Variants in RIT2 observed in about 807,000 individuals in gnomAD.
RIT2 encodes GTP-binding protein Rit2.
RIT2 carries 24 observed loss-of-function variants against 23.7 expected under a neutral mutation model. That is an observed-to-expected ratio of 1.01 (90% CI 0.73 to 1.43). The LOEUF (loss-of-function observed/expected upper bound fraction) is 1.43. RIT2 is among the 40% of genes most tolerant of loss of function. The pLI is 0.00. For missense variants in RIT2, 236 were observed against 266.9 expected (o/e 0.88, Z 0.81); for synonymous variants, 107 against 91.1 (o/e 1.17, Z -0.99).
At chr18:43,061,066 C>T (rs1448807332) in intron 1 of RIT2, among the ~76,000 whole-genome samples, 1 of 152,030 alleles carries the variant, frequency 6.6e-6, no homozygotes, top group Non-Finnish European at 1.5e-5. Context: ...TATAAAGAAA[C>T]TGAGTCTCAT....
intron 4 of RIT2, among the ~76,000 whole-genome samples, chr18:42,799,369 T>G (rs1406814961): frequency 6.6e-6 from 1 of 152,220 alleles, no homozygotes; most frequent in East Asian, 1.9e-4. Flanking sequence ...TTCTCATAAA[T>G]AATCATCTTT....
intron 3 of RIT2, among the ~76,000 whole-genome samples, chr18:42,946,958 G>C (rs1909742840): frequency 6.6e-6 from 1 of 152,014 alleles, no homozygotes; most frequent in Admixed American, 6.6e-5. Context: ...TCTTTGCCTA[G>C]CAAGAGATAC....
At chr18:42,925,168 T>A (rs1305822446) in intron 3 of RIT2, among the ~76,000 whole-genome samples, 1 of 152,006 alleles carries the variant, frequency 6.6e-6, no homozygotes, top group Admixed American at 6.6e-5. Context: ...ATCCTAACTT[T>A]CACAATGTGA....
chr18:43,010,685 T>G (rs918388185), intron 2 of RIT2, among the ~76,000 whole-genome samples: 2 of 151,812 alleles, frequency 1.3e-5, no homozygotes, highest in African/African-American at 2.4e-5. Context: ...TTAAAATTAT[T>G]TATTTAATTG....
intron 4 of RIT2, among the ~76,000 whole-genome samples, chr18:42,802,221 A>G (rs1440498437): frequency 6.6e-6 from 1 of 152,196 alleles, no homozygotes; most frequent in Non-Finnish European, 1.5e-5. Context: ...GGTGCAAACA[A>G]TCAGTAAAAA....
chr18:43,001,637 G>A (rs1598744327), intron 2 of RIT2, among the ~76,000 whole-genome samples: 2 of 151,982 alleles, frequency 1.3e-5, no homozygotes, highest in African/African-American at 4.8e-5. Context: ...ACTAGAAATT[G>A]AATGAGAAAT....
At chr18:42,847,874 CAGTT>C (rs759159564) in intron 4 of RIT2, among the ~76,000 whole-genome samples, 18 of 151,178 alleles carry the variant, frequency 1.2e-4, no homozygotes, top group African/African-American at 3.2e-4. Flanking sequence ...TTTGAGTAGT[CAGTT>C]AGCAGGATCA....
intron 2 of RIT2, among the ~76,000 whole-genome samples, chr18:43,032,106 T>G (rs1300095631): frequency 6.6e-5 from 10 of 152,260 alleles, no homozygotes; most frequent in Non-Finnish European, 1.0e-4. Flanking sequence ...GTTTCCATTT[T>G]CAAACTTCTT....
chr18:42,914,180 A>C (rs1908843974), intron 4 of RIT2, among the ~76,000 whole-genome samples: 1 of 152,120 alleles, frequency 6.6e-6, no homozygotes, highest in South Asian at 2.1e-4. Flanking sequence ...ATAATATCTA[A>C]TGCTGGCAAG....
intron 3 of RIT2, among the ~76,000 whole-genome samples, chr18:42,927,526 T>C (rs1351668547): frequency 6.6e-6 from 1 of 151,960 alleles, no homozygotes; most frequent in Non-Finnish European, 1.5e-5. Context: ...AAAAATGCTG[T>C]GTTCAACATG....
Position 42,748,597 on chromosome 18 carries a change from C to T in RIT2, c.427-4877G>A, listed in dbSNP as rs561263320. 1.3e-3 allele frequency among the ~76,000 whole-genome samples: 194 copies of T among 152,042 alleles called. No homozygotes were observed. In the Middle Eastern group the frequency reaches 0.014, roughly 11 times the overall value. Reference sequence around the variant, plus strand: ...AGCAATGTCACTACTGGGTATCTATCCAGAGGAAAATAAGTCATTATACGA... The same window carrying T: ...AGCAATGTCACTACTGGGTATCTATTCAGAGGAAAATAAGTCATTATACGA... On this transcript the variant is annotated intron_variant, in intron 4 of 4. Coordinates refer to ENST00000326695, the MANE Select transcript of RIT2 (RefSeq NM_002930.4).
chr18:42,824,909 A>G (rs1399607234), intron 4 of RIT2, among the ~76,000 whole-genome samples: 2 of 151,970 alleles, frequency 1.3e-5, no homozygotes, highest in African/African-American at 4.8e-5. Context: ...ATAAAAGGTC[A>G]TATTCAGAGA....
At chr18:43,036,636 C>A (rs1196799454) in intron 1 of RIT2, among the ~76,000 whole-genome samples, 1 of 151,792 alleles carries the variant, frequency 6.6e-6, no homozygotes, top group Non-Finnish European at 1.5e-5. Context: ...TAATGGAAAC[C>A]TGCTGCTTGT....
chr18:43,086,128 T>TTA (rs1222245265), intron 1 of RIT2, among the ~76,000 whole-genome samples: 1 of 152,190 alleles, frequency 6.6e-6, no homozygotes, highest in Non-Finnish European at 1.5e-5. Flanking sequence ...TTTTTAAATA[T>TTA]TTGCATTATT....
intron 2 of RIT2, among the ~76,000 whole-genome samples, chr18:42,996,300 C>T (rs997206831): frequency 3.3e-5 from 5 of 152,070 alleles, no homozygotes; most frequent in Admixed American, 2.6e-4. Context: ...TGAGAAACAT[C>T]GCCCATTATC....
chr18:43,021,912 C>A (rs569538538), intron 2 of RIT2, among the ~76,000 whole-genome samples: 9 of 152,110 alleles, frequency 5.9e-5, no homozygotes, highest in African/African-American at 2.2e-4. Flanking sequence ...TCCAAAAAAA[C>A]TAAAAGTAGA....
chr18:42,974,855 A>G (rs1910443111), intron 2 of RIT2, among the ~76,000 whole-genome samples: 1 of 152,128 alleles, frequency 6.6e-6, no homozygotes, highest in Non-Finnish European at 1.5e-5. Flanking sequence ...GGATGTGAAG[A>G]CTTCTACATT....
Position 42,847,047 on chromosome 18 carries a change from C to T in RIT2, c.426+76525G>A, listed in dbSNP as rs116011204. On this transcript the variant is annotated intron_variant, in intron 4 of 4. Coordinates refer to ENST00000326695, the MANE Select transcript of RIT2 (RefSeq NM_002930.4). ...CATACGCCTCTTTCTCCTCCAAATT[C>T]GAGTGTTGACAACAAATTACTATCA... Among the ~76,000 whole-genome samples the T allele has an allele frequency of 5.9e-3, 897 of 152,110 alleles. 9 individuals carry two copies. Among genetic ancestry groups the T allele is most frequent in the African/African-American group, 0.021 (859 of 41,512 alleles).
chr18:43,057,543 T>C (rs1568069490), intron 1 of RIT2, among the ~76,000 whole-genome samples: 1 of 152,172 alleles, frequency 6.6e-6, no homozygotes, highest in Non-Finnish European at 1.5e-5. Context: ...GAACTAGGAA[T>C]ATTAAACATG....
Sources: allele counts gnomAD v4.1 joint callset (sites outside exome capture counted in the v4.1 genomes callset), GRCh38; gene constraint gnomAD v4.1.1; transcripts MANE v1.5; gene names NCBI Gene and HGNC (gene_info 2026-07-23, HGNC 2026-07-21).